The following KNDC1 variants were observed in gnomAD, a reference collection of about 807,000 sequenced individuals.
KNDC1 encodes the protein kinase non-catalytic C-lobe domain-containing protein 1.
A neutral mutation model predicts 172.8 loss-of-function variants in KNDC1; 106 were observed. That is an observed-to-expected ratio of 0.61 (90% CI 0.52 to 0.72). The LOEUF (loss-of-function observed/expected upper bound fraction) is 0.72, where lower values mean the gene tolerates loss of function less well. Among genes scored for constraint, KNDC1 ranks in the 30% least tolerant of loss-of-function variants. The probability of loss-of-function intolerance (pLI) is 0.00; values close to 1 mark genes in which losing one functional copy is unlikely to be tolerated. For missense variants in KNDC1, 2,325 were observed against 2,394.5 expected (o/e 0.97, Z 0.61); for synonymous variants, 1,083 against 1,062.2 (o/e 1.02, Z -0.38).
chr10:133,213,583 G>A lies in KNDC1; in HGVS notation c.4444-62G>A, dbSNP rs1283622580. 4.1e-6 allele frequency: 6 copies of A among 1,461,842 alleles called. No homozygotes were observed. The Admixed American group carries it at 1.0e-4, about 25-fold the overall frequency. The allele number at this position is 1,461,842 out of a possible 1,614,324, so 90.6% of individuals were successfully genotyped here. ...AAACACCCACCCTCCCTGGGACCCT[G>A]CCTTGGACACAAGGCCCTAAGGGAT... On this transcript the variant is annotated intron_variant, in intron 24 of 29. Coordinates refer to ENST00000304613, the MANE Select transcript of KNDC1 (RefSeq NM_152643.8).
chr10:133,205,807 C>T (rs1845170581), intron 17 of KNDC1, among the ~76,000 whole-genome samples: 1 of 152,142 alleles, frequency 6.6e-6, no homozygotes, highest in Non-Finnish European at 1.5e-5. Context: ...TGCACTCCCA[C>T]CTGGGCAGCA....
rs770571414 is a variant in KNDC1, at chr10:133,198,515, A to C, written c.2069+16A>C. The C allele has an allele frequency of 3.8e-6, 6 of 1,593,160 alleles. No homozygotes were observed. In the Admixed American group the frequency reaches 6.8e-5, roughly 18 times the overall value. On this transcript the variant is annotated intron_variant, in intron 13 of 29. Transcript: ENST00000304613. ...GTGTGGCCAGGTGAGCATCGTCCCC[A>C]CACCCCGGAGCTGCTGGGTCCCGGG...
At position 133,198,811 on chromosome 10, in the gene KNDC1, A is replaced by G. The variant is rs1468029505; in HGVS notation, c.2303A>G (p.Asn768Ser). The G allele has an allele frequency of 1.3e-6, 2 of 1,595,310 alleles. No individual in the cohort carries two copies. The highest frequency in any genetic ancestry group is 8.5e-7 in the Non-Finnish European group (1 of 1,171,696). Residue 768 changes from asparagine to serine, a missense_variant, in exon 14 of 30, where the codon AAC becomes AGC. Transcript: ENST00000304613. ...RPCPPPQAPA[N>S]QPEGASSAAP... ...TGCCCTCCACCCCAGGCCCCAGCAAACCAGCCAGAGGGGGCCTCATCGGCA... is the reference window on the plus strand; with the variant it reads ...TGCCCTCCACCCCAGGCCCCAGCAAGCCAGCCAGAGGGGGCCTCATCGGCA...
At chr10:133,164,534 T>A (rs1332062631) in intron 1 of KNDC1, among the ~76,000 whole-genome samples, 1 of 152,212 alleles carries the variant, frequency 6.6e-6, no homozygotes, top group Non-Finnish European at 1.5e-5. Context: ...CCGGCGTTGC[T>A]ATTCACAGCA....
At position 133,201,386 on chromosome 10, in the gene KNDC1, G is replaced by A. The variant is rs549853741; in HGVS notation, c.2990-115G>A. ...CCCGGGGGGCGCCCGTGGTGGGCGG[G>A]TGCAAGAGAGAAGGGCGTCGGGTGT... On this transcript the variant is annotated intron_variant, in intron 16 of 29. Transcript: ENST00000304613. 5.1e-4 allele frequency: 608 copies of A among 1,185,152 alleles called. 1 individual carries two copies. Among genetic ancestry groups the A allele is most frequent in the African/African-American group, 4.5e-3 (289 of 64,750 alleles). The allele number at this position is 1,185,152 out of a possible 1,614,324, so 73.4% of individuals were successfully genotyped here.
intron 9 of KNDC1, among the ~76,000 whole-genome samples, 180 bp from the exon 10 acceptor site, chr10:133,195,483 C>A (rs962855901): frequency 5.3e-5 from 8 of 152,182 alleles, no homozygotes; most frequent in African/African-American, 2.4e-5. Flanking sequence ...GGACCACGAC[C>A]TGGAGGCGGA....
At chr10:133,167,072 C>T in intron 1 of KNDC1, 1 of 448,432 alleles carries the variant, frequency 2.2e-6, no homozygotes, top group Non-Finnish European at 4.1e-6. Flanking sequence ...CGGGGTGCTC[C>T]ACGGAGCAGG....
intron 21 of KNDC1, 135 bp downstream of exon 21, chr10:133,210,859 T>C: frequency 1.3e-6 from 1 of 759,218 alleles, no homozygotes; most frequent in Non-Finnish European, 2.3e-6. Flanking sequence ...CAGGGAAGCC[T>C]GGCTGGAGGT....
intron 9 of KNDC1, among the ~76,000 whole-genome samples, chr10:133,192,568 A>G (rs1854091912): frequency 6.6e-6 from 1 of 152,254 alleles, no homozygotes. Context: ...AAACAAATGA[A>G]AAAGTTTCAG....
intron 26 of KNDC1, among the ~76,000 whole-genome samples, chr10:133,215,117 C>T (rs372040163): frequency 1.5e-4 from 23 of 152,328 alleles, no homozygotes; most frequent in African/African-American, 5.5e-4. Flanking sequence ...AGGGCCCCTT[C>T]CCCCACAGCA....
intron 3 of KNDC1, among the ~76,000 whole-genome samples, chr10:133,177,888 AGT>A (rs1236736089): frequency 7.5e-6 from 1 of 133,714 alleles, no homozygotes; most frequent in Non-Finnish European, 1.6e-5. Context: ...GTGTGTGTGT[AGT>A]GTGCATGTGT....
intron 9 of KNDC1, 27 bp from the exon 10 acceptor site, chr10:133,195,636 G>A (rs748466930): frequency 2.4e-5 from 36 of 1,520,394 alleles, no homozygotes; most frequent in Non-Finnish European, 2.6e-5. Context: ...CCCTGCGGTA[G>A]ACACTATTCT....
At chr10:133,206,299 C>G (rs1272892413) in intron 17 of KNDC1, among the ~76,000 whole-genome samples, 1 of 152,290 alleles carries the variant, frequency 6.6e-6, no homozygotes, top group East Asian at 1.9e-4. Flanking sequence ...CCCCCTGCCC[C>G]CAGCCCCGCC....
intron 26 of KNDC1, 132 bp from the exon 27 acceptor site, chr10:133,218,699 G>A (rs1845518078): frequency 9.9e-6 from 12 of 1,213,124 alleles, no homozygotes; most frequent in Admixed American, 4.2e-5. Flanking sequence ...CCACACAGCC[G>A]CTTCCTTTCC....
At position 133,207,373 on chromosome 10, in the gene KNDC1, C is replaced by T. The variant is rs558144871; in HGVS notation, c.3794+22C>T. The T allele has an allele frequency of 2.1e-5, 34 of 1,607,124 alleles. No homozygotes were observed. The South Asian group carries it at 3.2e-4, about 15-fold the overall frequency. On this transcript the variant is annotated intron_variant, in intron 20 of 29. Coordinates refer to ENST00000304613, the MANE Select transcript of KNDC1 (RefSeq NM_152643.8). ...CCAGGTGCGTTGGGAGAAAAGCTCA[C>T]CCGGAAAAGGAGACGTAGCCCGGGG...
intron 17 of KNDC1, among the ~76,000 whole-genome samples, chr10:133,205,765 T>C (rs1374554309): frequency 6.6e-6 from 1 of 151,508 alleles, no homozygotes; most frequent in Non-Finnish European, 1.5e-5. Flanking sequence ...ACCCAGGGAG[T>C]TGGAGGTTGC....
intron 17 of KNDC1, chr10:133,202,851 C>A (rs898257722): frequency 8.7e-6 from 3 of 343,288 alleles, no homozygotes; most frequent in African/African-American, 4.4e-5. Context: ...ATCTCGGACA[C>A]CCCACACAGG....
intron 3 of KNDC1, among the ~76,000 whole-genome samples, chr10:133,169,763 G>A (rs1329290620): frequency 6.6e-6 from 1 of 152,114 alleles, no homozygotes; most frequent in Non-Finnish European, 1.5e-5. Context: ...GCTGTGACGT[G>A]GCACGTGGCC....
chr10:133,168,130 GGGGACACCAGGTCTGC>G (rs1853239277), intron 2 of KNDC1, 108 bp from the exon 3 acceptor site: 1 of 819,850 alleles, frequency 1.2e-6, no homozygotes, highest in African/African-American at 1.7e-5. Context: ...AAAATGGTCT[GGGGACACCAGGTCTGC>G]GGGGAGGGAA....
Sources: allele counts gnomAD v4.1 joint callset (sites outside exome capture counted in the v4.1 genomes callset), GRCh38; gene constraint gnomAD v4.1.1; transcripts MANE v1.5; gene names NCBI Gene and HGNC (gene_info 2026-07-23, HGNC 2026-07-21).